Variants in NEK11 observed in about 807,000 individuals in gnomAD.
NEK11 encodes serine/threonine-protein kinase Nek11.
A neutral mutation model predicts 80.7 loss-of-function variants in NEK11; 72 were observed. The observed-to-expected ratio is 0.89, with a 90% CI of 0.74 to 1.08. The LOEUF (loss-of-function observed/expected upper bound fraction) is 1.08, where lower values mean the gene tolerates loss of function less well. NEK11 is among the 50% of genes least tolerant of loss of function. The pLI, the probability that NEK11 is intolerant of heterozygous loss-of-function variation, is 0.00. For synonymous variants in NEK11, 251 were observed against 260.7 expected (o/e 0.96, Z 0.36); for missense variants, 764 against 763.6 (o/e 1.00, Z -0.01).
At chr3:131,048,006 A>G (rs2067688811) in intron 3 of NEK11, among the ~76,000 whole-genome samples, 1 of 152,110 alleles carries the variant, frequency 6.6e-6, no homozygotes, top group Admixed American at 6.5e-5. Context: ...TTATGTTTCC[A>G]GGGGTATTAT....
chr3:131,160,286 A>G (rs2091360393), intron 10 of NEK11, among the ~76,000 whole-genome samples: 1 of 152,220 alleles, frequency 6.6e-6, no homozygotes, highest in Admixed American at 6.5e-5. Context: ...AACATTCTTA[A>G]AGAAAAGAAA....
At chr3:131,196,968 T>C (rs1188176508) in intron 14 of NEK11, among the ~76,000 whole-genome samples, 3 of 152,096 alleles carry the variant, frequency 2.0e-5, no homozygotes, top group Non-Finnish European at 4.4e-5. Flanking sequence ...CCTGGGTTTA[T>C]AACCCAATCA....
intron 5 of NEK11, among the ~76,000 whole-genome samples, chr3:131,130,140 A>G (rs2084164889): frequency 6.6e-6 from 1 of 151,800 alleles, no homozygotes; most frequent in Non-Finnish European, 1.5e-5. Context: ...CCTCATATAG[A>G]TCTTGTACAT....
At chr3:131,271,356 C>T (rs2096181397) in intron 16 of NEK11, among the ~76,000 whole-genome samples, 1 of 152,180 alleles carries the variant, frequency 6.6e-6, no homozygotes, top group Non-Finnish European at 1.5e-5. Flanking sequence ...AGATCAGAGA[C>T]TTTGGCACAG....
At chr3:131,059,762 A>T (rs1341087240) in intron 3 of NEK11, among the ~76,000 whole-genome samples, 4 of 152,168 alleles carry the variant, frequency 2.6e-5, no homozygotes, top group Non-Finnish European at 5.9e-5. Context: ...CACCTCTTTC[A>T]GAGAACTTAC....
chr3:131,304,796 G>A (rs1160308252), intron 17 of NEK11, among the ~76,000 whole-genome samples: 1 of 152,166 alleles, frequency 6.6e-6, no homozygotes, highest in African/African-American at 2.4e-5. Context: ...AATAGTTGGT[G>A]CTGGCCAAAG....
chr3:131,290,285 C>G (rs560506387), intron 17 of NEK11, among the ~76,000 whole-genome samples: 2 of 152,156 alleles, frequency 1.3e-5, no homozygotes, highest in African/African-American at 4.8e-5. Context: ...AAAATGTGTG[C>G]ACCTTCACCA....
intron 17 of NEK11, among the ~76,000 whole-genome samples, chr3:131,337,630 AAAT>A (rs1031619774): frequency 1.6e-4 from 23 of 147,206 alleles, no homozygotes; most frequent in African/African-American, 5.4e-4. Context: ...ATAAAATTTA[AAAT>A]AATAAATAAA....
chr3:131,228,135 G>A (rs953782704), intron 14 of NEK11, among the ~76,000 whole-genome samples: 8 of 152,056 alleles, frequency 5.3e-5, no homozygotes, highest in Admixed American at 5.2e-4. Context: ...AACTTCCTAT[G>A]CTAAAAACTT....
At chr3:131,071,281 A>G (rs1320085848) in intron 3 of NEK11, among the ~76,000 whole-genome samples, 2 of 152,162 alleles carry the variant, frequency 1.3e-5, no homozygotes, top group Non-Finnish European at 2.9e-5. Context: ...CTATCACTAG[A>G]GAACTATAGA....
intron 16 of NEK11, among the ~76,000 whole-genome samples, chr3:131,271,969 G>A (rs987664380): frequency 9.3e-5 from 14 of 151,322 alleles, no homozygotes; most frequent in African/African-American, 2.4e-4. Context: ...GCATGGTGGC[G>A]CACGCCTGTA....
intron 3 of NEK11, among the ~76,000 whole-genome samples, chr3:131,036,585 G>A (rs2065682095): frequency 6.6e-6 from 1 of 152,202 alleles, no homozygotes; most frequent in Non-Finnish European, 1.5e-5. Flanking sequence ...TTGCTTGCAG[G>A]ATGGAAGGTT....
At position 131,174,784 on chromosome 3, in the gene NEK11, T is replaced by C. The variant is rs775911271; in HGVS notation, c.1399+3897T>C. On this transcript the variant is annotated intron_variant, in intron 14 of 17. Transcript: ENST00000383366. ...TTTTTTAGCAACTCACAGCTGACTT[T>C]CAGAGCAGTGTTTTTTCCAAAGCTG... The C allele has an allele frequency of 1.9e-6, 3 of 1,611,202 alleles. No homozygotes were observed. In the South Asian group the frequency reaches 3.3e-5, roughly 18 times the overall value.
At chr3:131,276,595 C>T (rs954474036) in intron 17 of NEK11, among the ~76,000 whole-genome samples, 4 of 151,960 alleles carry the variant, frequency 2.6e-5, no homozygotes, top group Non-Finnish European at 5.9e-5. Context: ...TGTAATTTTT[C>T]TTTATATCTA....
At position 131,165,516 on chromosome 3, in the gene NEK11, C is replaced by T. The variant is rs1383062854; in HGVS notation, c.1173C>T (p.Leu391=). ...RNFQQLSVDV[L]HEKTHLKGME... The stretch of plus-strand genomic sequence containing the variant: ...TTCAGCAGCTGAGTGTTGATGTACT[C>T]CATGTAAGTACCCTCTTATTTTAAA... The change falls in exon 12 of 18, where the codon CTC becomes CTT. Residue 391 remains leucine, a synonymous_variant. Coordinates refer to ENST00000383366, the MANE Select transcript of NEK11 (RefSeq NM_024800.5). 6.3e-7 allele frequency: 1 copy of T among 1,588,250 alleles called. No individual in the cohort carries two copies. Among genetic ancestry groups the T allele is most frequent in the East Asian group, 2.2e-5 (1 of 44,676 alleles).
At chr3:131,273,385 G>A (rs1409075548) in intron 16 of NEK11, 93 bp from the exon 17 acceptor site, 4 of 847,638 alleles carry the variant, frequency 4.7e-6, no homozygotes, top group Admixed American at 3.9e-5. Flanking sequence ...TGGCAAAGGT[G>A]GATTAGCTTC....
intron 14 of NEK11, among the ~76,000 whole-genome samples, chr3:131,209,776 G>A (rs905608343): frequency 2.6e-5 from 4 of 152,192 alleles, no homozygotes; most frequent in African/African-American, 9.7e-5. Flanking sequence ...TTGCATAGAG[G>A]TGTTTATAGT....
intron 4 of NEK11, among the ~76,000 whole-genome samples, chr3:131,082,671 A>G: frequency 6.6e-6 from 1 of 152,228 alleles, no homozygotes; most frequent in East Asian, 1.9e-4. Context: ...ATATGTTGCT[A>G]TAACTTTCTT....
intron 14 of NEK11, among the ~76,000 whole-genome samples, chr3:131,188,708 C>A (rs2093684432): frequency 6.6e-6 from 1 of 152,158 alleles, no homozygotes; most frequent in South Asian, 2.1e-4. Context: ...CAATCTTCAA[C>A]AAATATTTAT....
Sources: allele counts gnomAD v4.1 joint callset (sites outside exome capture counted in the v4.1 genomes callset), GRCh38; gene constraint gnomAD v4.1.1; transcripts MANE v1.5; gene names NCBI Gene and HGNC (gene_info 2026-07-23, HGNC 2026-07-21).